Variants in ST6GALNAC2 observed in about 807,000 individuals in gnomAD.
ST6GALNAC2 encodes the protein ST6 N-acetylgalactosaminide alpha-2,6-sialyltransferase 2.
In ST6GALNAC2, 42 loss-of-function variants were observed where a neutral mutation model predicts 38.7. The observed-to-expected ratio is 1.09, with a 90% CI of 0.85 to 1.40. ST6GALNAC2 has a LOEUF of 1.40. Ranked by LOEUF, ST6GALNAC2 falls within the 40% of genes most tolerant of loss-of-function variation. ST6GALNAC2 has a pLI of 0.00. For synonymous variants in ST6GALNAC2, 233 were observed against 209.0 expected, an observed-to-expected ratio of 1.11 and a Z score of -0.99; for missense variants, 506 against 481.7, an observed-to-expected ratio of 1.05 and a Z score of -0.47.
intron 1 of ST6GALNAC2, 40 bp downstream of exon 1, chr17:76,585,644 C>T (rs934435818): frequency 1.1e-5 from 16 of 1,484,478 alleles, no homozygotes; most frequent in Non-Finnish European, 1.4e-5. Flanking sequence ...GCGCCCTGGT[C>T]GCCCCTGCGC....
At chr17:76,579,637 G>A (rs552459901) in intron 1 of ST6GALNAC2, among the ~76,000 whole-genome samples, 1 of 152,342 alleles carries the variant, frequency 6.6e-6, no homozygotes, top group African/African-American at 2.4e-5. Flanking sequence ...CCTTTAAGAG[G>A]TGATTAGGTC....
chr17:76,581,375 C>A (rs997502083), intron 1 of ST6GALNAC2, among the ~76,000 whole-genome samples: 1 of 152,048 alleles, frequency 6.6e-6, no homozygotes. Context: ...ATTGCTCAGC[C>A]CCGAAATCCT....
In ST6GALNAC2 at chr17:76,565,815, C is replaced by A. The variant is rs1264137955; in HGVS notation, c.*289G>T. The A allele has an allele frequency of 9.6e-6, 3 of 312,300 alleles. No individual in the cohort carries two copies. Among genetic ancestry groups the A allele is most frequent in the Non-Finnish European group, 1.8e-5 (3 of 168,522 alleles). 19.3% of individuals were successfully genotyped at this position (312,300 alleles called of 1,614,324 possible). ...TGGACTGCTGTCTGATCTTGCTGAA[C>A]ACTCCACCGACATTTCCTAAAGTTG... On this transcript the variant is annotated 3_prime_UTR_variant, in exon 9 of 9. Transcript: ENST00000225276.
chr17:76,580,205 G>A (rs946890691), intron 1 of ST6GALNAC2, among the ~76,000 whole-genome samples: 1 of 152,186 alleles, frequency 6.6e-6, no homozygotes, highest in African/African-American at 2.4e-5. Flanking sequence ...TGGATCACGA[G>A]GTCAGGAGTT....
chr17:76,581,441 C>T (rs1435519388), intron 1 of ST6GALNAC2, among the ~76,000 whole-genome samples: 1 of 152,200 alleles, frequency 6.6e-6, no homozygotes, highest in Admixed American at 6.5e-5. Flanking sequence ...AGTCCAGTCC[C>T]TACCCTCCCA....
chr17:76,570,907 T>TC, intron 5 of ST6GALNAC2: 1 of 473,274 alleles, frequency 2.1e-6, no homozygotes, highest in South Asian at 2.7e-5. Flanking sequence ...ACTTAGCGAC[T>TC]CATGCACAGG....
At position 76,567,556 on chromosome 17, in the gene ST6GALNAC2, G is replaced by A. The variant is rs2075299993; in HGVS notation, c.858-4C>T. The A allele has an allele frequency of 1.2e-6, 2 of 1,600,404 alleles. No individual in the cohort carries two copies. On this transcript the variant is annotated splice_polypyrimidine_tract_variant and splice_region_variant and intron_variant, in intron 7 of 8. Coordinates refer to ENST00000225276, the MANE Select transcript of ST6GALNAC2 (RefSeq NM_006456.3). ...AATCAACTTTGATTTCAAGAACCTG[G>A]AAGCAAAAAGAGACATTTCAGCTCA...
At chr17:76,584,569 T>C (rs1423468709) in intron 1 of ST6GALNAC2, among the ~76,000 whole-genome samples, 2 of 152,152 alleles carry the variant, frequency 1.3e-5, no homozygotes, top group Non-Finnish European at 2.9e-5. Flanking sequence ...CTCGAATTCC[T>C]GGCCTCAAGC....
chr17:76,567,462 G>C lies in ST6GALNAC2; in HGVS notation c.948C>G (p.Thr316=). 1 of 1,613,116 alleles carries C rather than the reference G, an allele frequency of 6.2e-7. No individual in the cohort carries two copies. The highest frequency in any genetic ancestry group is 8.5e-7 in the Non-Finnish European group (1 of 1,179,178). ...AGAGAAGGCCTCTTACCTGGTCACA[G>C]GTATGCAAAGCTGTCAGCAGCATGA... The part of the protein sequence containing the change: ...GALMLLTALH[T]CDQVSAYGFI... The change falls in exon 8 of 9, where the codon ACC becomes ACG. Residue 316 remains threonine, a synonymous_variant. Coordinates refer to ENST00000225276, the MANE Select transcript of ST6GALNAC2 (RefSeq NM_006456.3).
intron 1 of ST6GALNAC2, among the ~76,000 whole-genome samples, chr17:76,585,052 C>A (rs2075528222): frequency 1.3e-5 from 2 of 152,250 alleles, no homozygotes; most frequent in African/African-American, 4.8e-5. Context: ...CAGGACGCGG[C>A]GCGGGGAGGA....
chr17:76,574,435 G>C lies in ST6GALNAC2; in HGVS notation c.291C>G (p.Phe97Leu). 4 of 1,613,948 alleles carry C rather than the reference G, an allele frequency of 2.5e-6. No homozygotes were observed. The highest frequency in any genetic ancestry group is 3.4e-6 in the Non-Finnish European group (4 of 1,179,990). The change falls in exon 3 of 9, where the codon TTC becomes TTG. Residue 97 changes from phenylalanine (F) to leucine (L), a missense_variant. Transcript: ENST00000225276. ...TCAGGCGGTCCCAGAGCGCTGGGGT[G>C]AAGAGGTCCCCCCACAGCAGCACTG... is the stretch of plus-strand genomic sequence containing the variant. ...SIPVLLWGDL[F>L]TPALWDRLSQ...
chr17:76,571,835 A>G (rs1207917788), intron 5 of ST6GALNAC2, among the ~76,000 whole-genome samples: 2 of 152,256 alleles, frequency 1.3e-5, no homozygotes, highest in Non-Finnish European at 2.9e-5. Context: ...GCTTTGAGTT[A>G]ACGGCCTTTG....
chr17:76,574,264 G>A, intron 3 of ST6GALNAC2, 101 bp downstream of exon 3: 1 of 1,353,284 alleles, frequency 7.4e-7, no homozygotes, highest in South Asian at 1.4e-5. Context: ...GGGAGACCTG[G>A]CATCACCAGT....
intron 5 of ST6GALNAC2, chr17:76,571,103 C>T (rs187785978): frequency 6.5e-6 from 1 of 154,764 alleles, no homozygotes; most frequent in East Asian, 1.9e-4. Context: ...ATCTTGATGT[C>T]AGCTCCAGTC....
At chr17:76,578,343 G>A (rs2143312371) in intron 2 of ST6GALNAC2, among the ~76,000 whole-genome samples, 1 of 152,262 alleles carries the variant, frequency 6.6e-6, no homozygotes, top group Middle Eastern at 3.4e-3. Flanking sequence ...ATAAGGCAGG[G>A]CCCTGAAGCT....
At position 76,573,323 on chromosome 17, in the gene ST6GALNAC2, ACT is replaced by A. The variant is rs754730279; in HGVS notation, c.400_401del (p.Ser134CysfsTer39). ...CCCTGGGCGGGGCAAACAGCTTGGCACTCTCTGAGCCGTTCAGAAGGCTCAGG... is the reference window on the plus strand; with the variant it reads ...CCCTGGGCGGGGCAAACAGCTTGGCACTCTGAGCCGTTCAGAAGGCTCAGG... ...STLSLLNGSE[S>X]AKLFAPPRDT... On this transcript the variant is annotated frameshift_variant, in exon 4 of 9. Transcript: ENST00000225276. LOFTEE classifies it high-confidence loss of function. The surrounding 1 kb of genome is among the most constrained non-coding windows in gnomAD (Gnocchi z 5.1). The A allele has an allele frequency of 3.8e-6, 6 of 1,581,410 alleles. No individual in the cohort carries two copies. The highest frequency in any genetic ancestry group is 2.3e-5 in the East Asian group (1 of 43,598).
rs1202307607 is a variant in ST6GALNAC2, at chr17:76,572,705, C to G, written c.601G>C (p.Val201Leu). 1 of 1,614,186 alleles carries G rather than the reference C, an allele frequency of 6.2e-7. No individual in the cohort carries two copies. The highest frequency in any genetic ancestry group is 1.7e-5 in the Admixed American group (1 of 60,022). The change falls in exon 5 of 9, where the codon GTG (valine) becomes CTG (leucine). Residue 201 changes from valine (V) to leucine (L), a missense_variant. Physicochemically the swap from Val to Leu is conservative, Grantham distance 32. Transcript: ENST00000225276. ...GTKTSFYGFT[V>L]NTMKNSLVSY... ...ACGAGGGAGTTCTTCATCGTGTTCA[C>G]AGTGAAACCATAGAAGGAAGTCTTG...
In ST6GALNAC2 at chr17:76,567,449, T is replaced by C; in HGVS notation, c.957+4A>G. ...ATGGGCTTCTGGAAGAGAAGGCCTC[T>C]TACCTGGTCACAGGTATGCAAAGCT... On this transcript the variant is annotated splice_donor_region_variant and intron_variant, in intron 8 of 8. Coordinates refer to ENST00000225276, the MANE Select transcript of ST6GALNAC2 (RefSeq NM_006456.3). The C allele has an allele frequency of 6.2e-7, 1 of 1,607,734 alleles. No individual in the cohort carries two copies. Among genetic ancestry groups the C allele is most frequent in the Non-Finnish European group, 8.5e-7 (1 of 1,174,366 alleles).
intron 1 of ST6GALNAC2, among the ~76,000 whole-genome samples, chr17:76,579,143 T>C (rs746263328): frequency 6.6e-6 from 1 of 152,234 alleles, no homozygotes; most frequent in Non-Finnish European, 1.5e-5. Flanking sequence ...GGTCTCGAAC[T>C]CCCGACTTCA....
Sources: allele counts gnomAD v4.1 joint callset (sites outside exome capture counted in the v4.1 genomes callset), GRCh38; gene constraint gnomAD v4.1.1; non-coding constraint Gnocchi (gnomAD v3.1); transcripts MANE v1.5; gene names NCBI Gene and HGNC (gene_info 2026-07-23, HGNC 2026-07-21).